The following EYS variants were observed in gnomAD, a reference collection of about 807,000 sequenced individuals.
EYS encodes the protein protein eyes shut homolog.
A neutral mutation model predicts 282.1 loss-of-function variants in EYS; 250 were observed. That is an observed-to-expected ratio of 0.89 (90% CI 0.80 to 0.98). The LOEUF (loss-of-function observed/expected upper bound fraction) is 0.98. EYS is among the 50% of genes least tolerant of loss of function. EYS has a pLI of 0.00. For missense variants in EYS, 4,016 were observed against 3,709.0 expected, an observed-to-expected ratio of 1.08 and a Z score of -2.15; for synonymous variants, 1,355 against 1,282.9, an observed-to-expected ratio of 1.06 and a Z score of -1.20.
intron 22 of EYS, among the ~76,000 whole-genome samples, chr6:64,710,368 G>A (rs1562148409): frequency 1.3e-5 from 2 of 152,192 alleles, no homozygotes; most frequent in Non-Finnish European, 2.9e-5. Flanking sequence ...GAAAAGGAGA[G>A]TGCCAAGCAT....
At chr6:65,337,829 A>G (rs764986247) in intron 10 of EYS, among the ~76,000 whole-genome samples, 2 of 150,898 alleles carry the variant, frequency 1.3e-5, no homozygotes, top group Non-Finnish European at 3.0e-5. Context: ...TAATTATTAT[A>G]TATTTATTAC....
At chr6:63,954,762 G>A (rs1409049707) in intron 35 of EYS, among the ~76,000 whole-genome samples, 2 of 152,128 alleles carry the variant, frequency 1.3e-5, no homozygotes, top group African/African-American at 4.8e-5. Flanking sequence ...GAAAGCAAAT[G>A]GTTCTTGGAC....
chr6:64,699,692 A>G (rs1770713443), intron 22 of EYS, among the ~76,000 whole-genome samples: 1 of 151,674 alleles, frequency 6.6e-6, no homozygotes, highest in South Asian at 2.1e-4. Context: ...AATGACACTG[A>G]ATTAGCAATA....
intron 41 of EYS, among the ~76,000 whole-genome samples, chr6:63,736,662 A>G (rs1344232133): frequency 6.6e-6 from 1 of 152,126 alleles, no homozygotes; most frequent in Non-Finnish European, 1.5e-5. Flanking sequence ...CATTGAATCT[A>G]TAAATTACCT....
At chr6:64,992,907 T>A (rs1020554586) in intron 14 of EYS, among the ~76,000 whole-genome samples, 1 of 152,030 alleles carries the variant, frequency 6.6e-6, no homozygotes, top group African/African-American at 2.4e-5. Flanking sequence ...CAACTTGGTA[T>A]ACTGAAGGGA....
At chr6:64,929,619 T>A (rs991418643) in intron 15 of EYS, among the ~76,000 whole-genome samples, 1 of 152,158 alleles carries the variant, frequency 6.6e-6, no homozygotes, top group Non-Finnish European at 1.5e-5. Context: ...TATTTATCTG[T>A]CAAAGAAAGT....
intron 5 of EYS, among the ~76,000 whole-genome samples, chr6:65,407,750 T>C (rs1468000298): frequency 3.3e-5 from 2 of 60,962 alleles, no homozygotes; most frequent in Non-Finnish European, 8.8e-5. Context: ...AGTCCGTGTG[T>C]GTGTGTGTGT....
At position 64,294,888 on chromosome 6, in the gene EYS, G is replaced by C. The variant is rs186513025; in HGVS notation, c.6191+12082C>G. 3.3e-5 allele frequency among the ~76,000 whole-genome samples: 5 copies of C among 152,248 alleles called. No homozygotes were observed. In the East Asian group the frequency reaches 9.7e-4, roughly 29 times the overall value. ...TTTTAATAAAGTGTATGATGAAAAG[G>C]GGGGTATGCATAATGTATTTCTGCT... On this transcript the variant is annotated intron_variant, in intron 30 of 42. Coordinates refer to ENST00000503581, the MANE Select transcript of EYS (RefSeq NM_001142800.2).
chr6:65,317,775 T>TCC (rs879671457), intron 11 of EYS, among the ~76,000 whole-genome samples: 982 of 82,612 alleles, frequency 0.012, 60 homozygotes, highest in Non-Finnish European at 0.014. Flanking sequence ...GGCTACATTT[T>TCC]CTCTTCCTTC....
chr6:65,605,922 T>C (rs1765772184), intron 2 of EYS, among the ~76,000 whole-genome samples: 1 of 151,676 alleles, frequency 6.6e-6, no homozygotes, highest in Non-Finnish European at 1.5e-5. Context: ...GTGGTCAATG[T>C]TTACTTTCCT....
At chr6:65,549,560 C>CT (rs1768523084) in intron 2 of EYS, among the ~76,000 whole-genome samples, 1 of 152,120 alleles carries the variant, frequency 6.6e-6, no homozygotes, top group South Asian at 2.1e-4. Context: ...CTAGGGCTGT[C>CT]TTTAAGAACA....
chr6:64,460,677 C>T (rs1044485065), intron 26 of EYS, among the ~76,000 whole-genome samples: 2 of 152,158 alleles, frequency 1.3e-5, no homozygotes, highest in African/African-American at 2.4e-5. Flanking sequence ...TGCCTATGGT[C>T]TAATGGTCCT....
chr6:64,586,043 A>G (rs981466253), intron 26 of EYS, among the ~76,000 whole-genome samples: 1 of 152,030 alleles, frequency 6.6e-6, no homozygotes, highest in Non-Finnish European at 1.5e-5. Context: ...TATGATTTGG[A>G]TATTTGTGTC....
chr6:64,022,178 A>T (rs75710854), intron 33 of EYS, among the ~76,000 whole-genome samples: 2,275 of 152,304 alleles, frequency 0.015, 53 homozygotes, highest in East Asian at 0.07. Context: ...TCCATTCTCC[A>T]TTAAATTGAA....
intron 35 of EYS, among the ~76,000 whole-genome samples, chr6:63,872,477 GTTTT>G (rs3041455): frequency 8.4e-6 from 1 of 119,398 alleles, no homozygotes; most frequent in Non-Finnish European, 1.6e-5. Flanking sequence ...CCTAAATATG[GTTTT>G]TTTTTTTTTT....
At chr6:63,909,715 T>A (rs1581965250) in intron 35 of EYS, among the ~76,000 whole-genome samples, 1 of 152,188 alleles carries the variant, frequency 6.6e-6, no homozygotes, top group Non-Finnish European at 1.5e-5. Context: ...GTTCTCAAAC[T>A]TTGGTGCATG....
chr6:65,550,152 T>C (rs1267867158), intron 2 of EYS, among the ~76,000 whole-genome samples: 7 of 9,306 alleles, frequency 7.5e-4, no homozygotes, highest in South Asian at 5.6e-3. Context: ...TCTTTTTTTT[T>C]TTTTTTTTTT....
In EYS at chr6:65,617,101, G is replaced by A. The variant is rs927496675; in HGVS notation, c.-333+22677C>T. 4.6e-5 allele frequency among the ~76,000 whole-genome samples: 7 copies of A among 152,188 alleles called. 1 individual carries two copies. The South Asian group carries it at 1.5e-3, about 32-fold the overall frequency. Reference sequence around the variant, plus strand: ...TATACTTTCTTTGATCTTCAGTTCAGGTGATTTTAAATAATTTAATGTGCT... The same window carrying A: ...TATACTTTCTTTGATCTTCAGTTCAAGTGATTTTAAATAATTTAATGTGCT... On this transcript the variant is annotated intron_variant, in intron 2 of 42. Coordinates refer to ENST00000503581, the MANE Select transcript of EYS (RefSeq NM_001142800.2).
chr6:64,503,074 T>A (rs963141222), intron 26 of EYS, among the ~76,000 whole-genome samples: 3 of 152,218 alleles, frequency 2.0e-5, no homozygotes, highest in Non-Finnish European at 4.4e-5. Flanking sequence ...GCTTAAAAAA[T>A]TCAGTTATTT....
Sources: allele counts gnomAD v4.1 joint callset (sites outside exome capture counted in the v4.1 genomes callset), GRCh38; gene constraint gnomAD v4.1.1; transcripts MANE v1.5; gene names NCBI Gene and HGNC (gene_info 2026-07-23, HGNC 2026-07-21).